CNIH3: variants seen among roughly 807,000 people sequenced by gnomAD.
CNIH3 encodes protein cornichon homolog 3.
Under a neutral mutation model 24.1 loss-of-function variants are expected in CNIH3, and 14 were observed. The observed-to-expected ratio is 0.58, with a 90% confidence interval of 0.38 to 0.91. CNIH3 has a LOEUF of 0.91. CNIH3 is among the 40% of genes least tolerant of loss of function. The pLI is 0.00. For missense variants in CNIH3, 178 were observed against 196.8 expected (o/e 0.90, Z 0.57); for synonymous variants, 68 against 73.8 (o/e 0.92, Z 0.40).
rs1263703093 is a variant in CNIH3 at position 224,703,586 on chromosome 1, A to G, written c.198+18743A>G. Among the ~76,000 whole-genome samples, 1 of 152,126 alleles carries G rather than the reference A, an allele frequency of 6.6e-6. No individual in the cohort carries two copies. The highest frequency in any genetic ancestry group is 1.5e-5 in the Non-Finnish European group (1 of 68,000). ...GAGTTTCATCAGCCTGGCTGTGCTG[A>G]TGGGGAGCTACTGCTTTCCTATTAG... On this transcript the variant is annotated intron_variant, in intron 3 of 5. Coordinates refer to ENST00000272133, the MANE Select transcript of CNIH3 (RefSeq NM_152495.2). This position sits in a 1 kb window ranked among gnomAD's most constrained non-coding sequence, Gnocchi z 4.2.
Position 224,549,670 on chromosome 1 carries a change from T to A in CNIH3, n.450+2731T>A, listed in dbSNP as rs374951225. ...ATAGAAATACCAGAGCGATGATATT[T>A]CACTAATACCACAGGGTGTAAACAC... is the stretch of plus-strand genomic sequence containing the variant. On this transcript the variant is annotated intron_variant and non_coding_transcript_variant, in intron 3 of 5. Transcript: ENST00000471578. Among the ~76,000 whole-genome samples the A allele has an allele frequency of 1.9e-4, 29 of 152,258 alleles. No individual in the cohort carries two copies. In the East Asian group the frequency reaches 5.0e-3, roughly 26 times the overall value.
intron 1 of CNIH3, among the ~76,000 whole-genome samples, chr1:224,678,792 A>G (rs903725947): frequency 2.6e-5 from 4 of 152,072 alleles, no homozygotes; most frequent in Non-Finnish European, 5.9e-5. Context: ...TTTTAATTTA[A>G]TTTTAATTAA....
chr1:224,638,232 C>T (rs537804582), intron 1 of CNIH3, among the ~76,000 whole-genome samples: 6 of 152,196 alleles, frequency 3.9e-5, no homozygotes, highest in South Asian at 2.1e-4. Flanking sequence ...TTACAGCCTG[C>T]GCACCCAGGG....
intron 5 of CNIH3, chr1:224,583,326 G>C (rs1452873485): frequency 6.6e-6 from 1 of 152,356 alleles, no homozygotes; most frequent in Non-Finnish European, 1.5e-5. Flanking sequence ...GTGTGTTTGG[G>C]AGAGGGCCAT....
chr1:224,629,165 C>T (rs568285201), intron 1 of CNIH3, among the ~76,000 whole-genome samples: 1 of 152,046 alleles, frequency 6.6e-6, no homozygotes, highest in Admixed American at 6.5e-5. Context: ...TGCCACCATG[C>T]CTGGCTAATT....
At chr1:224,649,400 C>T (rs188268570) in intron 1 of CNIH3, among the ~76,000 whole-genome samples, 44 of 152,266 alleles carry the variant, frequency 2.9e-4, no homozygotes, top group African/African-American at 1.1e-3. Context: ...CCCTCCAAGA[C>T]CCATTTTGGA....
At chr1:224,494,922 C>G (rs1032536565) in intron 1 of CNIH3, among the ~76,000 whole-genome samples, 1 of 152,222 alleles carries the variant, frequency 6.6e-6, no homozygotes, top group African/African-American at 2.4e-5. Context: ...CTTCTGCCCT[C>G]TCTGCCTACC....
intron 1 of CNIH3, among the ~76,000 whole-genome samples, chr1:224,636,730 G>C (rs765383197): frequency 5.3e-5 from 8 of 152,010 alleles, no homozygotes; most frequent in Non-Finnish European, 7.4e-5. Context: ...TTGTGGCATT[G>C]GTTGTTTTCT....
At chr1:224,471,193 C>A (rs545007901) in intron 1 of CNIH3, among the ~76,000 whole-genome samples, 5 of 152,122 alleles carry the variant, frequency 3.3e-5, no homozygotes, top group Non-Finnish European at 5.9e-5. Context: ...CATACGCCAC[C>A]ACATCCAGCT....
intron 1 of CNIH3, among the ~76,000 whole-genome samples, chr1:224,470,338 G>A (rs1231938433): frequency 7.3e-6 from 1 of 136,848 alleles, no homozygotes; most frequent in African/African-American, 2.8e-5. Context: ...TTTTTTTTAA[G>A]AGGTAGTGTC....
chr1:224,487,908 T>C (rs1558101574), intron 1 of CNIH3, among the ~76,000 whole-genome samples: 1 of 152,220 alleles, frequency 6.6e-6, no homozygotes, highest in Non-Finnish European at 1.5e-5. Context: ...TCCTTCTTTA[T>C]TGTTTCTTTA....
At position 224,498,833 on chromosome 1, in the gene CNIH3, G is replaced by T. The variant is rs546163013; in HGVS notation, n.204-16908G>T. 2.8e-4 allele frequency among the ~76,000 whole-genome samples: 42 copies of T among 152,352 alleles called. 1 individual carries two copies. In the South Asian group the frequency reaches 7.4e-3, roughly 27 times the overall value. Reference sequence around the variant, plus strand: ...AGTGCTGCAACAGTGCAGCAGAAAGGGCAGCGGGGAAAGGCGACAGGAAGA... The same window carrying T: ...AGTGCTGCAACAGTGCAGCAGAAAGTGCAGCGGGGAAAGGCGACAGGAAGA... On this transcript the variant is annotated intron_variant and non_coding_transcript_variant, in intron 1 of 5. Coordinates refer to the CNIH3 transcript ENST00000471578.
chr1:224,650,568 T>A (rs564910682), intron 1 of CNIH3, among the ~76,000 whole-genome samples: 1 of 151,994 alleles, frequency 6.6e-6, no homozygotes, highest in South Asian at 2.1e-4. Context: ...GCTCTGGGAC[T>A]TTGGGGCTGT....
At chr1:224,688,794 G>GA (rs1393519016) in intron 3 of CNIH3, among the ~76,000 whole-genome samples, 1 of 151,864 alleles carries the variant, frequency 6.6e-6, no homozygotes. Context: ...GCGTGGTGGT[G>GA]GGCGCCTGTA....
chr1:224,602,930 C>T (rs1682265856), intron 3 of CNIH3, among the ~76,000 whole-genome samples: 1 of 152,196 alleles, frequency 6.6e-6, no homozygotes, highest in African/African-American at 2.4e-5. Flanking sequence ...AGACAGGTCT[C>T]AATAAATTTA....
chr1:224,484,186 A>AT (rs1553257115), intron 1 of CNIH3, among the ~76,000 whole-genome samples: 1 of 149,568 alleles, frequency 6.7e-6, no homozygotes, highest in Admixed American at 6.7e-5. Context: ...AAAAAAAAAA[A>AT]TTGGGAGGCC....
intron 3 of CNIH3, among the ~76,000 whole-genome samples, chr1:224,729,544 ATAAATAAATATATTTAG>A (rs1278952935): frequency 2.0e-5 from 3 of 150,880 alleles, no homozygotes; most frequent in Non-Finnish European, 2.9e-5. Context: ...TATATATTAT[ATAAATAAATATATTTAG>A]TAATATGTAT....
At chr1:224,481,734 C>T (rs1349626968) in intron 1 of CNIH3, among the ~76,000 whole-genome samples, 1 of 152,216 alleles carries the variant, frequency 6.6e-6, no homozygotes, top group Non-Finnish European at 1.5e-5. Flanking sequence ...TTGCCCTAGG[C>T]CTGCTGTAAC....
Position 224,737,722 on chromosome 1 carries a change from C to T in CNIH3, c.456-1607C>T, listed in dbSNP as rs116872339. Among the ~76,000 whole-genome samples the T allele has an allele frequency of 5.8e-3, 879 of 152,284 alleles. 1 individual carries two copies. Among genetic ancestry groups the T allele is most frequent in the South Asian group, 0.026 (125 of 4,830 alleles). On this transcript the variant is annotated intron_variant, in intron 5 of 5. Transcript: ENST00000272133. ...CTCCCTGAGGGGCTCCTGAGGACTTCGGAGAGGTTAAGAAATGTGTCTCAG... is the reference window on the plus strand; with the variant it reads ...CTCCCTGAGGGGCTCCTGAGGACTTTGGAGAGGTTAAGAAATGTGTCTCAG...
Sources: allele counts gnomAD v4.1 joint callset (sites outside exome capture counted in the v4.1 genomes callset), GRCh38; gene constraint gnomAD v4.1.1; non-coding constraint Gnocchi (gnomAD v3.1); transcripts MANE v1.5; gene names NCBI Gene and HGNC (gene_info 2026-07-23, HGNC 2026-07-21).